The following NAA25 variants were observed in gnomAD, a reference collection of about 807,000 sequenced individuals.
The protein encoded by NAA25 is N-terminal acetyltransferase B complex subunit NAA25.
In NAA25, 30 loss-of-function variants were observed where a neutral mutation model predicts 132.5. That is an observed-to-expected ratio of 0.23 (90% CI 0.17 to 0.31). The LOEUF (loss-of-function observed/expected upper bound fraction) is 0.31, where lower values mean the gene tolerates loss of function less well. NAA25 is among the 10% of genes least tolerant of loss of function. The pLI is 1.00. For synonymous variants in NAA25, 359 were observed against 401.9 expected (o/e 0.89, Z 1.28); for missense variants, 771 against 1,150.4 (o/e 0.67, Z 4.77).
chr12:112,089,097 T>C (rs943707264), intron 3 of NAA25, among the ~76,000 whole-genome samples: 1 of 152,136 alleles, frequency 6.6e-6, no homozygotes, highest in African/African-American at 2.4e-5. Context: ...TTATCTTTTG[T>C]AAAAATTAAA....
At chr12:112,053,779 AAC>A (rs1481270201) in intron 14 of NAA25, 122 bp from the exon 15 acceptor site, 3 of 572,844 alleles carry the variant, frequency 5.2e-6, no homozygotes, top group Non-Finnish European at 9.4e-6. Context: ...AAAACACTAA[AAC>A]ATACTCCCAC....
chr12:112,063,568 A>G (rs1385488443), intron 11 of NAA25, among the ~76,000 whole-genome samples: 1 of 152,234 alleles, frequency 6.6e-6, no homozygotes, highest in Non-Finnish European at 1.5e-5. Context: ...CTAAACAGAT[A>G]GTAGCAAACA....
At chr12:112,044,921 C>T (rs1181514872) in intron 17 of NAA25, among the ~76,000 whole-genome samples, 1 of 149,620 alleles carries the variant, frequency 6.7e-6, no homozygotes, top group Non-Finnish European at 1.5e-5. Flanking sequence ...GACGTGGTGG[C>T]ACACACCTGT....
chr12:112,106,955 CAAAAAAAAA>C (rs11286456), intron 1 of NAA25, among the ~76,000 whole-genome samples: 73 of 25,834 alleles, frequency 2.8e-3, no homozygotes, highest in African/African-American at 8.6e-3. Flanking sequence ...AGACTGTCTC[CAAAAAAAAA>C]AAAAAAAAAA....
chr12:112,094,907 G>A (rs1336411499), intron 1 of NAA25, among the ~76,000 whole-genome samples: 5 of 151,942 alleles, frequency 3.3e-5, no homozygotes, highest in Non-Finnish European at 5.9e-5. Context: ...TGATCTGCCC[G>A]CCTCAGCCTC....
chr12:112,056,369 T>A (rs115625276), intron 13 of NAA25, among the ~76,000 whole-genome samples: 4 of 151,238 alleles, frequency 2.6e-5, no homozygotes, highest in South Asian at 2.1e-4. Context: ...ATAAAAAATT[T>A]AAAAAAATTT....
intron 23 of NAA25, among the ~76,000 whole-genome samples, chr12:112,030,360 G>A (rs949731483): frequency 4.0e-5 from 6 of 151,862 alleles, no homozygotes; most frequent in African/African-American, 1.4e-4. Context: ...GAAATTTTGA[G>A]ATTTCTGATT....
intron 4 of NAA25, among the ~76,000 whole-genome samples, chr12:112,083,927 A>G (rs1000289629): frequency 2.1e-4 from 32 of 152,330 alleles, no homozygotes; most frequent in African/African-American, 7.7e-4. Flanking sequence ...ATTTTACTTG[A>G]GAATATGGGA....
At chr12:112,032,127 C>G (rs1485417512) in intron 23 of NAA25, among the ~76,000 whole-genome samples, 5 of 151,830 alleles carry the variant, frequency 3.3e-5, no homozygotes. Context: ...CCACGCCCGG[C>G]TAATTTTTTT....
At chr12:112,054,705 T>C (rs982123206) in intron 13 of NAA25, 137 bp from the exon 14 acceptor site, 9 of 767,742 alleles carry the variant, frequency 1.2e-5, no homozygotes, top group East Asian at 5.4e-5. Context: ...ATTTTAGATA[T>C]ACACCTGTAA....
intron 11 of NAA25, among the ~76,000 whole-genome samples, chr12:112,064,508 A>AG (rs2078685745): frequency 6.6e-6 from 1 of 152,160 alleles, no homozygotes; most frequent in Non-Finnish European, 1.5e-5. Context: ...GATTGCAGAC[A>AG]TAAGCCACCA....
chr12:112,042,350 A>C (rs910610212), intron 19 of NAA25: 38 of 228,650 alleles, frequency 1.7e-4, no homozygotes, highest in Non-Finnish European at 1.8e-4. Flanking sequence ...GAGAGCTTAA[A>C]ATCTATGTGC....
At chr12:112,082,083 T>G (rs2078980814) in intron 4 of NAA25, among the ~76,000 whole-genome samples, 1 of 151,902 alleles carries the variant, frequency 6.6e-6, no homozygotes, top group Non-Finnish European at 1.5e-5. Context: ...AAACCCCATC[T>G]CTACTAAAAA....
At chr12:112,033,129 A>G in intron 23 of NAA25, 104 bp downstream of exon 23, 2 of 1,312,196 alleles carry the variant, frequency 1.5e-6, no homozygotes, top group Non-Finnish European at 2.0e-6. Flanking sequence ...TAAAGAGGAA[A>G]TGATAAATTG....
At chr12:112,106,955 CAAAAAAAAAAAAAAAAA>C (rs11286456) in intron 1 of NAA25, among the ~76,000 whole-genome samples, 1 of 25,828 alleles carries the variant, frequency 3.9e-5, no homozygotes, top group East Asian at 7.4e-4. Flanking sequence ...AGACTGTCTC[CAAAAAAAAAAAAAAAAA>C]AAAAAAAAAG....
chr12:112,040,097 G>T (rs1403507566), intron 21 of NAA25: 1 of 158,756 alleles, frequency 6.3e-6, no homozygotes, highest in Non-Finnish European at 1.4e-5. Context: ...TGTATCAGTT[G>T]CTGGACACTA....
Position 112,091,976 on chromosome 12 carries a change from C to T in NAA25, c.144+1075G>A, listed in dbSNP as rs572604300. Reference sequence around the variant, plus strand: ...AATATCACAGCCAGGCACAGTGGCTCACGCCTATAATCCCAGCACTTTGGG... The same window carrying T: ...AATATCACAGCCAGGCACAGTGGCTTACGCCTATAATCCCAGCACTTTGGG... On this transcript the variant is annotated intron_variant, in intron 2 of 23. Coordinates refer to ENST00000261745, the MANE Select transcript of NAA25 (RefSeq NM_024953.4). 3.3e-5 allele frequency among the ~76,000 whole-genome samples: 5 copies of T among 152,374 alleles called. No individual in the cohort carries two copies. The South Asian group carries it at 1.0e-3, about 32-fold the overall frequency.
At chr12:112,108,592 G>C in intron 1 of NAA25, 124 bp downstream of exon 1, 1 of 1,070,320 alleles carries the variant, frequency 9.3e-7, no homozygotes, top group Non-Finnish European at 1.2e-6. Flanking sequence ...TGGCCCGCGC[G>C]GCCCGCCCCC....
chr12:112,044,184 G>C (rs2078342729), intron 17 of NAA25, among the ~76,000 whole-genome samples: 1 of 150,034 alleles, frequency 6.7e-6, no homozygotes, highest in Non-Finnish European at 1.5e-5. Flanking sequence ...GCCTGCCTTG[G>C]CCTCCCAAAA....
Sources: allele counts gnomAD v4.1 joint callset (sites outside exome capture counted in the v4.1 genomes callset), GRCh38; gene constraint gnomAD v4.1.1; transcripts MANE v1.5; gene names NCBI Gene and HGNC (gene_info 2026-07-23, HGNC 2026-07-21).